The following MYLK variants were observed in gnomAD, a reference collection of about 807,000 sequenced individuals.
MYLK encodes myosin light chain kinase.
In MYLK, 106 loss-of-function variants were observed where a neutral mutation model predicts 203.4. The observed-to-expected ratio is 0.52, with a 90% CI of 0.45 to 0.61. The LOEUF is 0.61. MYLK is among the 20% of genes least tolerant of loss of function. The probability of loss-of-function intolerance (pLI) is 0.00; values close to 1 mark genes in which losing one functional copy is unlikely to be tolerated. For missense variants in MYLK, 2,072 were observed against 2,442.3 expected (o/e 0.85, Z 3.20); for synonymous variants, 867 against 959.5 (o/e 0.90, Z 1.78).
At chr3:123,834,581 G>C (rs1308361473) in intron 2 of MYLK, among the ~76,000 whole-genome samples, 2 of 151,856 alleles carry the variant, frequency 1.3e-5, no homozygotes, top group Admixed American at 1.3e-4. Flanking sequence ...GGGGATTGAG[G>C]GAGCATTGGG....
intron 4 of MYLK, among the ~76,000 whole-genome samples, chr3:123,768,484 C>G (rs62262905): frequency 6.6e-6 from 1 of 152,220 alleles, no homozygotes; most frequent in Non-Finnish European, 1.5e-5. Context: ...CCCAGCCCCT[C>G]TCTAAGGCAA....
At chr3:123,653,246 CACACACACGTGCGTGA>C (rs1576441605) in intron 24 of MYLK, among the ~76,000 whole-genome samples, 1 of 152,246 alleles carries the variant, frequency 6.6e-6, no homozygotes. Context: ...CCAACACACA[CACACACACGTGCGTGA>C]ACACACACGC....
At chr3:123,643,063 T>C (rs1270616665) in intron 27 of MYLK, among the ~76,000 whole-genome samples, 1 of 152,238 alleles carries the variant, frequency 6.6e-6, no homozygotes, top group Non-Finnish European at 1.5e-5. Context: ...TCACGCCCTC[T>C]GAAAAAGTCA....
chr3:123,754,958 T>C (rs1167976735), intron 4 of MYLK, among the ~76,000 whole-genome samples: 1 of 152,224 alleles, frequency 6.6e-6, no homozygotes, highest in Admixed American at 6.5e-5. Context: ...TCATGTCATC[T>C]TGTGGCCCTA....
At chr3:123,637,933 G>T in intron 29 of MYLK, 138 bp downstream of exon 29, 1 of 1,318,672 alleles carries the variant, frequency 7.6e-7, no homozygotes, top group Non-Finnish European at 1.1e-6. Flanking sequence ...AGGGGAGCCT[G>T]CCACCCTCCT....
intron 11 of MYLK, among the ~76,000 whole-genome samples, chr3:123,726,897 G>A (rs531192668): frequency 6.6e-5 from 10 of 152,174 alleles, no homozygotes; most frequent in Non-Finnish European, 1.3e-4. Flanking sequence ...GGTGGAACTG[G>A]ATTTGGTGCT....
rs533254092 is a variant in MYLK at position 123,676,967 on chromosome 3, T to G, written c.3652+5257A>C. 5.3e-5 allele frequency among the ~76,000 whole-genome samples: 8 copies of G among 152,296 alleles called. No homozygotes were observed. The South Asian group carries it at 1.7e-3, about 32-fold the overall frequency. ...ATGTGCATTTCCTAAGGCCACTTCTTAAGCCCCATCAATGCCTCCTTTACA... is the reference window on the plus strand; with the variant it reads ...ATGTGCATTTCCTAAGGCCACTTCTGAAGCCCCATCAATGCCTCCTTTACA... On this transcript the variant is annotated intron_variant, in intron 20 of 33. Coordinates refer to ENST00000360304, the MANE Select transcript of MYLK (RefSeq NM_053025.4).
At chr3:123,840,421 C>A (rs1322645156) in intron 2 of MYLK, among the ~76,000 whole-genome samples, 1 of 150,142 alleles carries the variant, frequency 6.7e-6, no homozygotes, top group Non-Finnish European at 1.5e-5. Context: ...ACAAGTCTCT[C>A]TCTCTATATA....
At chr3:123,862,290 G>T (rs1159475542) in intron 2 of MYLK, among the ~76,000 whole-genome samples, 1 of 152,088 alleles carries the variant, frequency 6.6e-6, no homozygotes, top group Non-Finnish European at 1.5e-5. Context: ...TTTTCCTGAG[G>T]GTCTACTATA....
intron 3 of MYLK, among the ~76,000 whole-genome samples, chr3:123,802,011 C>T (rs1361490430): frequency 6.6e-6 from 1 of 152,210 alleles, no homozygotes; most frequent in Non-Finnish European, 1.5e-5. Flanking sequence ...CAAACTGCCC[C>T]AGTGGCTGGA....
At chr3:123,783,259 A>C (rs1370483562) in intron 4 of MYLK, among the ~76,000 whole-genome samples, 1 of 152,212 alleles carries the variant, frequency 6.6e-6, no homozygotes, top group Non-Finnish European at 1.5e-5. Flanking sequence ...ACATTCTGCC[A>C]ATCTAAGCCC....
intron 15 of MYLK, among the ~76,000 whole-genome samples, chr3:123,708,254 G>A (rs779735064): frequency 2.6e-5 from 4 of 152,182 alleles, no homozygotes; most frequent in Non-Finnish European, 5.9e-5. Context: ...CAGAAGGCAC[G>A]GGGCACCGAG....
intron 11 of MYLK, among the ~76,000 whole-genome samples, chr3:123,727,508 CT>C (rs2062331967): frequency 6.6e-6 from 1 of 152,138 alleles, no homozygotes; most frequent in African/African-American, 2.4e-5. Flanking sequence ...GTATGATTTT[CT>C]TGTAAGATTG....
chr3:123,845,485 C>CGTTTT (rs138678812), intron 2 of MYLK, among the ~76,000 whole-genome samples: 8 of 151,996 alleles, frequency 5.3e-5, no homozygotes, highest in African/African-American at 1.9e-4. Context: ...TTTGGGTTTT[C>CGTTTT]GTTTTGTTTT....
intron 2 of MYLK, among the ~76,000 whole-genome samples, chr3:123,836,260 T>C (rs545013045): frequency 6.6e-6 from 1 of 152,298 alleles, no homozygotes; most frequent in African/African-American, 2.4e-5. Flanking sequence ...TACAAAAGTA[T>C]ATAGTGAAAT....
rs749153170 is a variant in MYLK, at chr3:123,700,798, C to T, written c.2670G>A (p.Gln890=). 1.9e-6 allele frequency: 3 copies of T among 1,614,122 alleles called. No individual in the cohort carries two copies. The highest frequency in any genetic ancestry group is 2.2e-5 in the East Asian group (1 of 44,890). The change falls in exon 18 of 34, where the codon CAG becomes CAA. Residue 890 remains glutamine (Q), a synonymous_variant. Transcript: ENST00000360304. ...RQHTEEAIRQ[Q]EVEQLDFRDL... ...CTCGGAAGTCCAGCTGCTCCACCTC[C>T]TGCTGGCGGATCGCCTCCTCAGTGT... is the stretch of plus-strand genomic sequence containing the variant.
chr3:123,647,209 C>T lies in MYLK; in HGVS notation c.4619+15G>A. 1 of 1,612,696 alleles carries T rather than the reference C, an allele frequency of 6.2e-7. No homozygotes were observed. Among genetic ancestry groups the T allele is most frequent in the South Asian group, 1.1e-5 (1 of 90,998 alleles). On this transcript the variant is annotated intron_variant, in intron 27 of 33. Transcript: ENST00000360304. ...CTCCCTGTGGTGCCCACGCTGCTGGCAGTGGGCCACTCACATCTCCAGGAC... is the reference window on the plus strand; with the variant it reads ...CTCCCTGTGGTGCCCACGCTGCTGGTAGTGGGCCACTCACATCTCCAGGAC...
At position 123,664,109 on chromosome 3, in the gene MYLK, G is replaced by A. The variant is rs373556266; in HGVS notation, c.3981C>T (p.Val1327=). 106 of 1,613,862 alleles carry A rather than the reference G, an allele frequency of 6.6e-5. No individual in the cohort carries two copies. The highest frequency in any genetic ancestry group is 3.3e-4 in the Middle Eastern group (2 of 6,064). Reference sequence around the variant, plus strand: ...CCACCCAGCCACCAGACTCACCCACGACAGTGAGGTTGACCTGGGCCTGCC... The same window carrying A: ...CCACCCAGCCACCAGACTCACCCACAACAGTGAGGTTGACCTGGGCCTGCC... ...GSRQAQVNLT[V]VDKPDPPAGT... is the part of the protein sequence containing the mutation. Residue 1327 remains valine, a synonymous_variant, in exon 23 of 34, where the codon GTC becomes GTT. Transcript: ENST00000360304.
In MYLK at chr3:123,736,686, TGACTTGAAA is replaced by T. The variant is rs374258030; in HGVS notation, c.754+683_754+691del. On this transcript the variant is annotated intron_variant, in intron 8 of 33. Coordinates refer to ENST00000360304, the MANE Select transcript of MYLK (RefSeq NM_053025.4). ...GAGGGGGTCAAGTCGAAGGATCGCC[TGACTTGAAA>T]GACAGAGTAAATTATCAGTAAATTC... 1.9e-4 allele frequency among the ~76,000 whole-genome samples: 29 copies of T among 152,328 alleles called. No individual in the cohort carries two copies. In the East Asian group the frequency reaches 4.8e-3, roughly 25 times the overall value.
Sources: gnomAD v4.1 joint callset for allele counts (sites outside exome capture counted in the v4.1 genomes callset) on GRCh38, gnomAD v4.1.1 for gene constraint, MANE v1.5 for transcripts, NCBI Gene and HGNC (gene_info 2026-07-23, HGNC 2026-07-21) for gene names.